The following TSHZ3 variants were observed in gnomAD, a reference collection of about 807,000 sequenced individuals.
The protein encoded by TSHZ3 is teashirt zinc finger homeobox 3.
Under a neutral mutation model 64.5 loss-of-function variants are expected in TSHZ3, and 10 were observed. The ratio of observed to expected loss-of-function variants is 0.16; its 90% CI spans 0.10 to 0.26. TSHZ3 has a LOEUF of 0.26. Among genes scored for constraint, TSHZ3 ranks in the 10% least tolerant of loss-of-function variants. The pLI, the probability that TSHZ3 is intolerant of heterozygous loss-of-function variation, is 1.00. For missense variants in TSHZ3, 1,242 were observed against 1,421.7 expected (o/e 0.87, Z 2.03); for synonymous variants, 608 against 593.1 (o/e 1.03, Z -0.36).
intron 5 of TSHZ3, among the ~76,000 whole-genome samples, chr19:31,197,895 T>C (rs1206246879): frequency 2.0e-5 from 3 of 152,018 alleles, no homozygotes; most frequent in South Asian, 4.1e-4. Context: ...ACCAATTCTG[T>C]AGACTCTGTT....
At chr19:31,282,873 C>T (rs1976389243) in intron 1 of TSHZ3, among the ~76,000 whole-genome samples, 1 of 152,214 alleles carries the variant, frequency 6.6e-6, no homozygotes, top group African/African-American at 2.4e-5. Context: ...CCACTCCTGA[C>T]CATGTCATGG....
chr19:31,256,818 C>T (rs966068265), intron 1 of TSHZ3, among the ~76,000 whole-genome samples: 5 of 152,180 alleles, frequency 3.3e-5, no homozygotes, highest in Non-Finnish European at 5.9e-5. Context: ...TGCCACTGGA[C>T]AGTCTGCCTG....
intron 5 of TSHZ3, chr19:31,204,713 T>C (rs1473019225): frequency 6.6e-6 from 1 of 152,346 alleles, no homozygotes; most frequent in Non-Finnish European, 1.5e-5. Flanking sequence ...TGTCCATGTT[T>C]CCGTCCTGAG....
chr19:31,274,547 C>T (rs1378787634), downstream of TSHZ3, among the ~76,000 whole-genome samples: 3 of 151,992 alleles, frequency 2.0e-5, no homozygotes, highest in Non-Finnish European at 4.4e-5. Context: ...TCCCATCAGC[C>T]TCCTTGACAG....
intron 3 of TSHZ3, among the ~76,000 whole-genome samples, chr19:31,235,602 T>TTCTTTCTTTCTTTCC (rs570689292): frequency 4.9e-4 from 73 of 148,246 alleles, no homozygotes; most frequent in Non-Finnish European, 8.7e-4. Context: ...TCTTTTTTCT[T>TTCTTTCTTTCTTTCC]TCTTTCTTTC....
intron 3 of TSHZ3, among the ~76,000 whole-genome samples, chr19:31,238,085 T>C (rs1262393306): frequency 1.3e-5 from 2 of 152,168 alleles, no homozygotes; most frequent in Admixed American, 6.6e-5. Context: ...TTGTGGTAGT[T>C]CTATAATGTC....
chr19:31,232,815 C>A (rs555304565), intron 3 of TSHZ3, among the ~76,000 whole-genome samples: 56 of 152,276 alleles, frequency 3.7e-4, no homozygotes, highest in Non-Finnish European at 7.2e-4. Context: ...TAAATTGAAT[C>A]ATACAGAATG....
exon 7 of TSHZ3, among the ~76,000 whole-genome samples, chr19:31,150,341 G>T (rs1464322379): frequency 6.6e-6 from 1 of 152,206 alleles, no homozygotes; most frequent in Non-Finnish European, 1.5e-5. Flanking sequence ...CTGCAAGGGG[G>T]ATGGGCACCT....
At chr19:31,197,730 A>G (rs1975012999) in intron 5 of TSHZ3, among the ~76,000 whole-genome samples, 1 of 152,060 alleles carries the variant, frequency 6.6e-6, no homozygotes, top group South Asian at 2.1e-4. Context: ...TGAAAGATAA[A>G]ATGTACTAAA....
chr19:31,318,971 C>T (rs919995463), intron 1 of TSHZ3, among the ~76,000 whole-genome samples: 3 of 152,340 alleles, frequency 2.0e-5, no homozygotes, highest in African/African-American at 7.2e-5. Context: ...ATCCTACCAC[C>T]CTGGTGCCAT....
At position 31,286,157 on chromosome 19, in the gene TSHZ3, T is replaced by C. The variant is rs1053509476; in HGVS notation, c.41-6405A>G. 2.6e-5 allele frequency among the ~76,000 whole-genome samples: 4 copies of C among 152,304 alleles called. No homozygotes were observed. In the East Asian group the frequency reaches 5.8e-4, roughly 22 times the overall value. ...CTTTCCTTACCCCACCAATGAAGAC[T>C]GTGTGCTTAAAGCAACAAGACAGCC... On this transcript the variant is annotated intron_variant, in intron 1 of 1. Transcript: ENST00000240587.
intron 1 of TSHZ3, among the ~76,000 whole-genome samples, chr19:31,340,522 G>C (rs1376802300): frequency 1.3e-5 from 2 of 151,714 alleles, no homozygotes; most frequent in African/African-American, 4.8e-5. Context: ...GGGGTGGGCG[G>C]CGGGCAGGGA....
intron 1 of TSHZ3, among the ~76,000 whole-genome samples, chr19:31,325,985 G>A (rs1916919775): frequency 6.6e-6 from 1 of 152,096 alleles, no homozygotes; most frequent in South Asian, 2.1e-4. Flanking sequence ...AATTTTGCCT[G>A]TACACCCATC....
chr19:31,165,840 T>G (rs1470806405), intron 5 of TSHZ3, among the ~76,000 whole-genome samples: 4 of 152,220 alleles, frequency 2.6e-5, no homozygotes, highest in Admixed American at 2.0e-4. Context: ...TGTTTGAATT[T>G]TATTTGTATT....
chr19:31,236,651 C>T (rs1428291274), intron 3 of TSHZ3, among the ~76,000 whole-genome samples: 1 of 152,030 alleles, frequency 6.6e-6, no homozygotes, highest in Non-Finnish European at 1.5e-5. Context: ...TATCTCACAC[C>T]ATACACAAAA....
At chr19:31,348,009 T>A (rs2021565177) in intron 1 of TSHZ3, among the ~76,000 whole-genome samples, 1 of 151,850 alleles carries the variant, frequency 6.6e-6, no homozygotes, top group Non-Finnish European at 1.5e-5. Context: ...AAAAGAGAAG[T>A]AAAAGAAAGG....
chr19:31,302,431 A>T (rs1976771373), intron 1 of TSHZ3, among the ~76,000 whole-genome samples: 2 of 152,224 alleles, frequency 1.3e-5, no homozygotes, highest in African/African-American at 4.8e-5. Flanking sequence ...ACCTGTTCAT[A>T]AGTGGCCAGC....
chr19:31,217,764 T>G (rs925653789), intron 4 of TSHZ3, among the ~76,000 whole-genome samples: 29 of 152,166 alleles, frequency 1.9e-4, no homozygotes, highest in Admixed American at 5.2e-4. Context: ...GTGTATAGAA[T>G]CCTACAAAGC....
intron 1 of TSHZ3, among the ~76,000 whole-genome samples, chr19:31,294,785 T>G: frequency 6.6e-6 from 1 of 152,148 alleles, no homozygotes; most frequent in East Asian, 1.9e-4. Context: ...TGGGTGTTTC[T>G]TATGCTAGAT....
Sources: allele counts gnomAD v4.1 joint callset (sites outside exome capture counted in the v4.1 genomes callset), GRCh38; gene constraint gnomAD v4.1.1; transcripts MANE v1.5; gene names NCBI Gene and HGNC (gene_info 2026-07-23, HGNC 2026-07-21).